The following AOPEP variants were observed in gnomAD, a reference collection of about 807,000 sequenced individuals.
The protein encoded by AOPEP is aminopeptidase O (putative), also known as aminopeptidase O.
A neutral mutation model predicts 98.1 loss-of-function variants in AOPEP; 77 were observed. That is an observed-to-expected ratio of 0.78 (90% CI 0.65 to 0.95). The LOEUF (loss-of-function observed/expected upper bound fraction) is 0.95, where lower values mean the gene tolerates loss of function less well. Ranked by LOEUF, AOPEP falls within the 40% of genes least tolerant of loss-of-function variation. The pLI is 0.00. For synonymous variants in AOPEP, 346 were observed against 365.3 expected (o/e 0.95, Z 0.60); for missense variants, 1,024 against 1,024.7 (o/e 1.00, Z 0.01).
intron 13 of AOPEP, among the ~76,000 whole-genome samples, chr9:95,029,436 A>G (rs1199307392): frequency 6.6e-6 from 1 of 152,082 alleles, no homozygotes; most frequent in Non-Finnish European, 1.5e-5. Context: ...TCAGTAGGGT[A>G]AAGTTACTCG....
intron 13 of AOPEP, among the ~76,000 whole-genome samples, chr9:95,043,221 T>C: frequency 1.3e-5 from 2 of 151,190 alleles, no homozygotes; most frequent in Middle Eastern, 7.2e-3. Context: ...TGTATCTGTA[T>C]ATGTGCATAT....
At chr9:95,052,822 GCCTAAAAA>G (rs1352460187) in intron 13 of AOPEP, among the ~76,000 whole-genome samples, 5 of 152,196 alleles carry the variant, frequency 3.3e-5, no homozygotes, top group African/African-American at 1.2e-4. Context: ...GTAAGTAACA[GCCTAAAAA>G]CCTGAGCATG....
chr9:95,111,107 C>T, the AOPEP span: 1,131 of 1,523,264 alleles, frequency 7.4e-4, 1 homozygote, highest in Non-Finnish European at 9.5e-4. Flanking sequence ...GCTCTGCTGC[C>T]GGCACACCCC....
chr9:95,095,747 C>T, the AOPEP span, among the ~76,000 whole-genome samples: 6 of 152,224 alleles, frequency 3.9e-5, no homozygotes, highest in East Asian at 9.7e-4. Flanking sequence ...GCCTTGGGTC[C>T]CGCCCCCTCT....
chr9:94,806,756 C>T (rs439052), intron 5 of AOPEP, among the ~76,000 whole-genome samples: 33,258 of 151,988 alleles, frequency 0.22, 5,115 homozygotes, highest in African/African-American at 0.43. Context: ...CTTCTGGGAC[C>T]CTGAAAGCCC....
intron 13 of AOPEP, among the ~76,000 whole-genome samples, chr9:95,042,702 C>T (rs970204001): frequency 1.3e-5 from 2 of 152,140 alleles, no homozygotes; most frequent in African/African-American, 4.8e-5. Context: ...ATGGTTTGGC[C>T]AAGTCCTTCT....
the AOPEP span, among the ~76,000 whole-genome samples, chr9:95,148,607 A>T: frequency 6.6e-6 from 1 of 152,240 alleles, no homozygotes; most frequent in Admixed American, 6.5e-5. Context: ...TGGTGGCAGT[A>T]ATGACTATAG....
chr9:94,979,380 G>A lies in AOPEP; in HGVS notation c.1930G>A (p.Val644Ile). 10 of 1,602,154 alleles carry A rather than the reference G, an allele frequency of 6.2e-6. No individual in the cohort carries two copies. Among genetic ancestry groups the A allele is most frequent in the Non-Finnish European group, 8.5e-6 (10 of 1,172,024 alleles). Residue 644 changes from valine (V) to isoleucine (I), a missense_variant, in exon 11 of 17, where the codon GTT (valine) becomes ATT (isoleucine). Val to Ile is a conservative substitution (Grantham distance 29, BLOSUM62 3). This residue lies in a region of AOPEP where 566 missense variants were observed against 551.7 expected (regional missense o/e 1.03). Transcript: ENST00000375315. ...TTATTTCTAAAGGCTTGAGCTGTCTGTTGAAAACATCTACCAAGACTGGCT... is the reference window on the plus strand; with the variant it reads ...TTATTTCTAAAGGCTTGAGCTGTCTATTGAAAACATCTACCAAGACTGGCT... ...IPEEKRLELS[V>I]ENIYQDWLES...
At chr9:94,960,880 G>C (rs1013636118) in intron 9 of AOPEP, among the ~76,000 whole-genome samples, 1 of 151,774 alleles carries the variant, frequency 6.6e-6, no homozygotes, top group Non-Finnish European at 1.5e-5. Context: ...GGCGCGGTGG[G>C]GGGCGCCTGT....
intron 1 of AOPEP, among the ~76,000 whole-genome samples, chr9:94,735,457 T>C (rs1356641573): frequency 6.6e-6 from 1 of 152,110 alleles, no homozygotes; most frequent in African/African-American, 2.4e-5. Flanking sequence ...CCCGACCTCG[T>C]GATCCACCTG....
intron 11 of AOPEP, among the ~76,000 whole-genome samples, chr9:94,986,908 G>T (rs2060557351): frequency 6.6e-6 from 1 of 152,192 alleles, no homozygotes; most frequent in South Asian, 2.1e-4. Flanking sequence ...TGAATAACAA[G>T]AATTAAAAAT....
chr9:94,916,707 A>AAATT (rs1554767801), intron 5 of AOPEP, among the ~76,000 whole-genome samples: 6 of 147,184 alleles, frequency 4.1e-5, no homozygotes, highest in African/African-American at 1.6e-4. Context: ...AAAAAAAAAA[A>AAATT]AATTAAATAA....
chr9:94,893,198 C>T (rs1483353958), intron 5 of AOPEP, among the ~76,000 whole-genome samples: 1 of 152,140 alleles, frequency 6.6e-6, no homozygotes, highest in Non-Finnish European at 1.5e-5. Flanking sequence ...TAGCTTTTCT[C>T]TTGTTGCTCC....
Position 95,005,181 on chromosome 9 carries a change from C to G in AOPEP, c.2001C>G (p.Ala667=), listed in dbSNP as rs1187080337. The G allele has an allele frequency of 1.7e-6, 2 of 1,151,280 alleles. No individual in the cohort carries two copies. The highest frequency in any genetic ancestry group is 2.1e-6 in the Non-Finnish European group (2 of 932,714). The allele number at this position is 1,151,280 out of a possible 1,614,324, so 71.3% of individuals were successfully genotyped here. The change falls in exon 12 of 17, where the codon GCC becomes GCG. Residue 667 remains alanine (A), a synonymous_variant. Coordinates refer to ENST00000375315, the MANE Select transcript of AOPEP (RefSeq NM_001193329.3). The part of the protein sequence containing the change: ...IPKPLQRERR[A]GAECGLARQV... The stretch of plus-strand genomic sequence containing the variant: ...AGCCGCTGCAGAGGGAGCGTCGCGC[C>G]GGGGCGGAGTGCGGGCTTGCGCGGC...
Position 94,765,412 on chromosome 9 carries a change from C to T in AOPEP, c.797+4832C>T, listed in dbSNP as rs568462832. Among the ~76,000 whole-genome samples the T allele has an allele frequency of 5.4e-5, 8 of 148,434 alleles. No homozygotes were observed. In the East Asian group the frequency reaches 1.6e-3, roughly 29 times the overall value. On this transcript the variant is annotated intron_variant, in intron 2 of 16. Transcript: ENST00000375315. ...TTGAGGAGTTCAAGACCAGCCTGGGCAACATGGTGAAACCCCTTCTCTACA... is the reference window on the plus strand; with the variant it reads ...TTGAGGAGTTCAAGACCAGCCTGGGTAACATGGTGAAACCCCTTCTCTACA...
chr9:95,117,471 T>A, the AOPEP span: 1 of 1,208,610 alleles, frequency 8.3e-7, no homozygotes, highest in Non-Finnish European at 1.2e-6. Context: ...CTGAGTCCTC[T>A]GCCCAAAAAA....
intron 5 of AOPEP, among the ~76,000 whole-genome samples, chr9:94,883,165 GT>G (rs1476829335): frequency 6.6e-6 from 1 of 152,130 alleles, no homozygotes; most frequent in Non-Finnish European, 1.5e-5. Context: ...GGCTCTGCAG[GT>G]GCCCCGCTTC....
Position 94,998,237 on chromosome 9 carries a change from G to A in AOPEP, c.1978-6921G>A, listed in dbSNP as rs568539719. 1.3e-4 allele frequency among the ~76,000 whole-genome samples: 20 copies of A among 151,354 alleles called. No individual in the cohort carries two copies. The South Asian group carries it at 3.6e-3, about 27-fold the overall frequency. ...CACTAGATGTTCCGTAAGTACTCAC[G>A]CTGGAGTAGAAAGAGTATTCCATTT... On this transcript the variant is annotated intron_variant, in intron 11 of 16. Transcript: ENST00000375315.
intron 5 of AOPEP, among the ~76,000 whole-genome samples, chr9:94,867,779 G>A (rs1332965253): frequency 1.3e-5 from 2 of 152,104 alleles, no homozygotes; most frequent in South Asian, 2.1e-4. Context: ...GTTCTGATTC[G>A]GAATATCAGG....
Sources: allele counts gnomAD v4.1 joint callset (sites outside exome capture counted in the v4.1 genomes callset), GRCh38; gene constraint gnomAD v4.1.1; regional missense constraint gnomAD v4.1.1; transcripts MANE v1.5; gene names NCBI Gene and HGNC (gene_info 2026-07-23, HGNC 2026-07-21).